STK24: variants seen among roughly 807,000 people sequenced by gnomAD.
The protein encoded by STK24 is serine/threonine-protein kinase 24.
STK24 carries 21 observed loss-of-function variants against 55.6 expected under a neutral mutation model. That is an observed-to-expected ratio of 0.38 (90% CI 0.27 to 0.54). STK24 has a LOEUF of 0.54. STK24 is among the 20% of genes least tolerant of loss of function. The probability of loss-of-function intolerance (pLI) is 0.79; values close to 1 mark genes in which losing one functional copy is unlikely to be tolerated. For missense variants in STK24, 383 were observed against 538.4 expected (o/e 0.71, Z 2.86); for synonymous variants, 200 against 215.2 (o/e 0.93, Z 0.62).
intron 3 of STK24, among the ~76,000 whole-genome samples, chr13:98,476,941 T>G (rs1378715308): frequency 6.6e-6 from 1 of 152,232 alleles, no homozygotes; most frequent in East Asian, 1.9e-4. Context: ...GAGAATGCAC[T>G]TGTCGCTTTT....
At chr13:98,561,972 C>A (rs1275545799) in intron 1 of STK24, among the ~76,000 whole-genome samples, 4 of 118,524 alleles carry the variant, frequency 3.4e-5, no homozygotes, top group East Asian at 4.9e-4. Flanking sequence ...AGTGAGACTC[C>A]GTCTCAAAAA....
intron 2 of STK24, among the ~76,000 whole-genome samples, chr13:98,483,516 C>A (rs966945519): frequency 1.3e-5 from 2 of 152,156 alleles, no homozygotes; most frequent in Non-Finnish European, 1.5e-5. Context: ...GGTCTCACTG[C>A]GCTGACTCCA....
intron 3 of STK24, among the ~76,000 whole-genome samples, 192 bp downstream of exon 3, chr13:98,482,073 A>AC (rs1441548139): frequency 6.6e-6 from 1 of 152,148 alleles, no homozygotes; most frequent in Non-Finnish European, 1.5e-5. Flanking sequence ...TCTCAAAAAA[A>AC]AAAAAAAAGG....
rs549489349 is a variant in STK24, at chr13:98,474,310, T to C, written c.597+511A>G. Among the ~76,000 whole-genome samples the C allele has an allele frequency of 5.3e-5, 8 of 152,256 alleles. No individual in the cohort carries two copies. In the South Asian group the frequency reaches 1.0e-3, roughly 20 times the overall value. On this transcript the variant is annotated intron_variant, in intron 5 of 10. Transcript: ENST00000539966. ...CGAGAATCCTCAGAACTAAAAATAA[T>C]AGGAAGACCCTGCAGCAGTCACTCA...
At chr13:98,471,935 A>G (rs538488199) in intron 5 of STK24, among the ~76,000 whole-genome samples, 5 of 152,312 alleles carry the variant, frequency 3.3e-5, no homozygotes, top group African/African-American at 9.6e-5. Flanking sequence ...TGCACAGACT[A>G]GGAGGGGAAA....
chr13:98,523,820 T>C (rs1441240413), intron 1 of STK24, among the ~76,000 whole-genome samples: 1 of 152,178 alleles, frequency 6.6e-6, no homozygotes, highest in Non-Finnish European at 1.5e-5. Flanking sequence ...TACTCAACAA[T>C]AGGCAACTAA....
At chr13:98,517,366 C>T (rs996690019) in intron 2 of STK24, among the ~76,000 whole-genome samples, 9 of 152,190 alleles carry the variant, frequency 5.9e-5, no homozygotes, top group African/African-American at 2.2e-4. Flanking sequence ...TGGCTCATGC[C>T]TATAATCCCA....
chr13:98,472,052 G>A (rs1894173346), intron 5 of STK24, among the ~76,000 whole-genome samples: 2 of 152,194 alleles, frequency 1.3e-5, no homozygotes, highest in Non-Finnish European at 2.9e-5. Flanking sequence ...CTGGCTGCCT[G>A]GCAGGCAAGC....
In STK24 at chr13:98,559,396, C is replaced by G. The variant is rs1897358675; in HGVS notation, c.42+17349G>C. On this transcript the variant is annotated intron_variant, in intron 1 of 10. Transcript: ENST00000539966. ...AAAGGGCAGTTCCCCTGCACACGCT[C>G]TCTTGCCTGCCGACATGTGAGACGT... 2.6e-5 allele frequency among the ~76,000 whole-genome samples: 4 copies of G among 152,218 alleles called. No individual in the cohort carries two copies. The South Asian group carries it at 8.3e-4, about 32-fold the overall frequency.
rs369313482 is a variant in STK24, at chr13:98,492,140, A to G, written c.274-9819T>C. Among the ~76,000 whole-genome samples the G allele has an allele frequency of 4.9e-4, 74 of 151,774 alleles. 1 individual carries two copies. Among genetic ancestry groups the G allele is most frequent in the African/African-American group, 1.7e-3 (72 of 41,378 alleles). ...AAATCAACAGATCGCAAGAGGCTCA[A>G]ATGGTTTTGCCCTTGAATAATTCCA... On this transcript the variant is annotated intron_variant, in intron 2 of 10. Coordinates refer to ENST00000539966, the MANE Select transcript of STK24 (RefSeq NM_001032296.4).
At chr13:98,518,929 C>A (rs1338239903) in intron 2 of STK24, among the ~76,000 whole-genome samples, 3 of 151,772 alleles carry the variant, frequency 2.0e-5, no homozygotes, top group Middle Eastern at 3.2e-3. Flanking sequence ...TAATCATAAG[C>A]AGTCCTAAAA....
rs368021088 is a variant in STK24, at chr13:98,537,535, G to A, written c.43-18062C>T. Among the ~76,000 whole-genome samples the A allele has an allele frequency of 3.7e-4, 56 of 152,272 alleles. 1 individual carries two copies. The East Asian group carries it at 4.5e-3, about 12-fold the overall frequency. ...CCTTCCAGACTAAGGACCGGGCCAC[G>A]CACTGGCCAGGGTGCCGGCCTCACT... On this transcript the variant is annotated intron_variant, in intron 1 of 10. Transcript: ENST00000539966.
At chr13:98,476,997 T>A (rs1056883112) in intron 3 of STK24, among the ~76,000 whole-genome samples, 10 of 152,242 alleles carry the variant, frequency 6.6e-5, no homozygotes, top group African/African-American at 2.4e-4. Context: ...AATGCCCATC[T>A]CCATCGCCTG....
chr13:98,484,375 C>T (rs548754794), intron 2 of STK24, among the ~76,000 whole-genome samples: 6 of 152,360 alleles, frequency 3.9e-5, no homozygotes, highest in African/African-American at 1.4e-4. Context: ...ACTGGTTTCA[C>T]TGGCTCCCAT....
At chr13:98,459,755 A>G (rs934441422) in intron 9 of STK24, among the ~76,000 whole-genome samples, 4 of 152,272 alleles carry the variant, frequency 2.6e-5, no homozygotes, top group Non-Finnish European at 5.9e-5. Flanking sequence ...GAAGGGGCAC[A>G]ACAAGAAAAG....
chr13:98,524,617 G>A (rs370043623), intron 1 of STK24, among the ~76,000 whole-genome samples: 4 of 152,350 alleles, frequency 2.6e-5, no homozygotes, highest in African/African-American at 9.6e-5. Context: ...GGTGAGAAAT[G>A]CTAAATCGTT....
At chr13:98,460,852 C>G (rs1893673758) in intron 8 of STK24, among the ~76,000 whole-genome samples, 1 of 150,898 alleles carries the variant, frequency 6.6e-6, no homozygotes, top group African/African-American at 2.4e-5. Context: ...CCAGCTTGGG[C>G]AACATAGTGA....
At position 98,445,212 on chromosome 13, in the gene STK24, A is replaced by C. The variant is rs1892747409; in HGVS notation, c.*7961T>G. The C allele has an allele frequency of 6.6e-6, 1 of 152,282 alleles. No individual in the cohort carries two copies. Among genetic ancestry groups the C allele is most frequent in the Admixed American group, 6.5e-5 (1 of 15,284 alleles). 9.4% of individuals were successfully genotyped at this position (152,282 alleles called of 1,614,324 possible). ...GGAGGTCTGTATTTTTTATTGTGGT[A>C]AAATAGCTATACCACAATATTGGCC... On this transcript the variant is annotated 3_prime_UTR_variant, in exon 11 of 11. Transcript: ENST00000539966.
At chr13:98,478,087 G>A (rs781019828) in intron 3 of STK24, among the ~76,000 whole-genome samples, 4 of 152,188 alleles carry the variant, frequency 2.6e-5, no homozygotes, top group Admixed American at 6.5e-5. Flanking sequence ...AAGGGTATTC[G>A]GCTGCTGTCT....
Sources: gnomAD v4.1 joint callset for allele counts (sites outside exome capture counted in the v4.1 genomes callset) on GRCh38, gnomAD v4.1.1 for gene constraint, MANE v1.5 for transcripts, NCBI Gene and HGNC (gene_info 2026-07-23, HGNC 2026-07-21) for gene names.